The following ZNF462 variants were observed in gnomAD, a reference collection of about 807,000 sequenced individuals.
The protein encoded by ZNF462 is zinc finger protein 462, also known as zinc finger PBX1-interacting protein.
A neutral mutation model predicts 201.9 loss-of-function variants in ZNF462; 10 were observed. The ratio of observed to expected loss-of-function variants is 0.05; its 90% CI spans 0.03 to 0.08. ZNF462 has a LOEUF of 0.08. Ranked by LOEUF, ZNF462 falls within the 10% of genes least tolerant of loss-of-function variation. The pLI is 1.00. For synonymous variants in ZNF462, 1,227 were observed against 1,193.3 expected (o/e 1.03, Z -0.58); for missense variants, 2,523 against 3,168.3 (o/e 0.80, Z 4.89).
upstream of ZNF462, among the ~76,000 whole-genome samples, chr9:106,862,240 G>T (rs1408165511): frequency 1.3e-5 from 2 of 152,158 alleles, no homozygotes; most frequent in African/African-American, 4.8e-5. This position sits in a 1 kb window ranked among gnomAD's most constrained non-coding sequence, Gnocchi z 4.2. Flanking sequence ...GGTTGATCTG[G>T]GTTTATACTT....
At chr9:106,888,844 G>A (rs1828445089) in intron 1 of ZNF462, among the ~76,000 whole-genome samples, 1 of 152,214 alleles carries the variant, frequency 6.6e-6, no homozygotes, top group Non-Finnish European at 1.5e-5. Flanking sequence ...ACCATTTATA[G>A]AATCATCAAT....
intron 7 of ZNF462, among the ~76,000 whole-genome samples, chr9:106,956,776 C>A (rs1487766772): frequency 6.6e-6 from 1 of 152,180 alleles, no homozygotes; most frequent in Admixed American, 6.6e-5. Context: ...AAGACAGCTT[C>A]TTTTCTGAAA....
chr9:106,955,800 A>G (rs1831548183), intron 7 of ZNF462, among the ~76,000 whole-genome samples: 1 of 152,160 alleles, frequency 6.6e-6, no homozygotes, highest in Non-Finnish European at 1.5e-5. Flanking sequence ...TCAAGAAACC[A>G]CTTTCTTTGT....
At chr9:106,889,791 A>G (rs530507045) in intron 1 of ZNF462, among the ~76,000 whole-genome samples, 4 of 152,262 alleles carry the variant, frequency 2.6e-5, no homozygotes, top group Admixed American at 1.3e-4. Flanking sequence ...GGTCTAACAC[A>G]TTACCACCAC....
intron 7 of ZNF462, among the ~76,000 whole-genome samples, chr9:106,965,081 G>A (rs1170857844): frequency 1.3e-5 from 2 of 152,104 alleles, no homozygotes; most frequent in African/African-American, 4.8e-5. Context: ...GCAAAGCATA[G>A]AGGAAAGCAA....
chr9:106,899,762 T>G (rs1488527771), intron 1 of ZNF462, among the ~76,000 whole-genome samples: 3 of 152,194 alleles, frequency 2.0e-5, no homozygotes, highest in Non-Finnish European at 4.4e-5. Flanking sequence ...CAACAGCTCA[T>G]TCTCAGGTTT....
chr9:106,916,480 G>GT (rs1159620179), intron 1 of ZNF462, among the ~76,000 whole-genome samples: 1 of 152,176 alleles, frequency 6.6e-6, no homozygotes, highest in Non-Finnish European at 1.5e-5. Context: ...TGTGTGAAAA[G>GT]TGTCTGTAGA....
Position 107,003,275 on chromosome 9 carries a change from T to G in ZNF462, c.7057-19T>G. ...GGTCTGCGGTTTATTATTCCATCAT[T>G]TGTTTGGGCCTTTTTCAGGTAAGCC... is the stretch of plus-strand genomic sequence containing the variant. On this transcript the variant is annotated intron_variant, in intron 10 of 12. Transcript: ENST00000277225. This position sits in a 1 kb window ranked among gnomAD's most constrained non-coding sequence, Gnocchi z 4.4. 6.2e-7 allele frequency: 1 copy of G among 1,612,850 alleles called. No homozygotes were observed. The highest frequency in any genetic ancestry group is 8.5e-7 in the Non-Finnish European group (1 of 1,179,412).
intron 1 of ZNF462, among the ~76,000 whole-genome samples, chr9:106,869,505 A>G (rs1342406624): frequency 1.3e-5 from 2 of 152,252 alleles, no homozygotes; most frequent in Non-Finnish European, 2.9e-5. Context: ...AAGAAGAGTG[A>G]TGTTTGGAAG....
rs59555526 is a variant in ZNF462 at position 106,908,902 on chromosome 9, CATATATACATATAT to C, written c.-30-14444_-30-14431del. On this transcript the variant is annotated intron_variant, in intron 1 of 12. Transcript: ENST00000277225. ...GCTGTGAAAGTTGAGAATATTTGCC[CATATATACATATAT>C]ATATATATATATATATATATATATA... 9.2e-3 allele frequency among the ~76,000 whole-genome samples: 710 copies of C among 77,150 alleles called. 7 individuals are homozygous for C. The highest frequency in any genetic ancestry group is 0.013 in the Non-Finnish European group (586 of 44,704). 50.6% of individuals were successfully genotyped at this position (77,150 alleles called of 152,430 possible).
At chr9:106,875,942 C>T (rs1481597894) in intron 1 of ZNF462, among the ~76,000 whole-genome samples, 1 of 152,174 alleles carries the variant, frequency 6.6e-6, no homozygotes, top group Non-Finnish European at 1.5e-5. Context: ...ACACATGTAT[C>T]TCTATACATA....
In ZNF462 at chr9:106,895,027, T is replaced by C. The variant is rs1470747942; in HGVS notation, c.-30-28327T>C. On this transcript the variant is annotated intron_variant, in intron 1 of 12. Coordinates refer to ENST00000277225, the MANE Select transcript of ZNF462 (RefSeq NM_021224.6). This position sits in a 1 kb window ranked among gnomAD's most constrained non-coding sequence, Gnocchi z 4.4. ...TGGTCTAGGTAATTTCCTTGCTCTC[T>C]AGTTAAATAGGAAATTTATGGGAAT... is the stretch of plus-strand genomic sequence containing the variant. Among the ~76,000 whole-genome samples the C allele has an allele frequency of 2.6e-5, 4 of 152,196 alleles. No homozygotes were observed. Among genetic ancestry groups the C allele is most frequent in the Non-Finnish European group, 4.4e-5 (3 of 68,032 alleles).
chr9:106,866,963 A>G (rs1007963880), intron 1 of ZNF462, among the ~76,000 whole-genome samples: 1 of 152,182 alleles, frequency 6.6e-6, no homozygotes, highest in Non-Finnish European at 1.5e-5. Context: ...TGCTCATTTC[A>G]GCAGGGGGGA....
chr9:106,865,697 C>T lies in ZNF462; in HGVS notation c.-31+2342C>T, dbSNP rs913271137. ...TATCAGTATGTCTTCTTAACAATGT[C>T]GCTATGGAAACAAATTTTAAAAACA... On this transcript the variant is annotated intron_variant, in intron 1 of 12. Transcript: ENST00000277225. This position sits in a 1 kb window ranked among gnomAD's most constrained non-coding sequence, Gnocchi z 4.1. Among the ~76,000 whole-genome samples the T allele has an allele frequency of 9.5e-4, 145 of 152,182 alleles. 1 individual carries two copies. The highest frequency in any genetic ancestry group is 3.4e-3 in the African/African-American group (140 of 41,512).
At position 106,916,272 on chromosome 9, in the gene ZNF462, G is replaced by A. The variant is rs1048430763; in HGVS notation, c.-30-7082G>A. Among the ~76,000 whole-genome samples the A allele has an allele frequency of 2.6e-5, 4 of 152,154 alleles. No individual in the cohort carries two copies. The East Asian group carries it at 5.8e-4, about 22-fold the overall frequency. ...CACGAACACTTTGGGCCATGAAGACGCACCCAAGGCCCAAGGTCAGTCAGG... is the reference window on the plus strand; with the variant it reads ...CACGAACACTTTGGGCCATGAAGACACACCCAAGGCCCAAGGTCAGTCAGG... On this transcript the variant is annotated intron_variant, in intron 1 of 12. Coordinates refer to ENST00000277225, the MANE Select transcript of ZNF462 (RefSeq NM_021224.6).
downstream of ZNF462, chr9:107,013,634 GTC>G (rs1275819238): frequency 6.6e-6 from 1 of 151,762 alleles, no homozygotes; most frequent in Non-Finnish European, 1.5e-5. Flanking sequence ...TTTCACATGT[GTC>G]TATGTGCATC....
Position 106,932,473 on chromosome 9 carries a change from C to T in ZNF462, c.6040C>T (p.Leu2014=). The T allele has an allele frequency of 6.2e-7, 1 of 1,614,248 alleles. No homozygotes were observed. Among genetic ancestry groups the T allele is most frequent in the South Asian group, 1.1e-5 (1 of 91,082 alleles). Residue 2014 remains leucine (L), a synonymous_variant, in exon 5 of 13, where the codon CTG becomes TTG. Coordinates refer to ENST00000277225, the MANE Select transcript of ZNF462 (RefSeq NM_021224.6). This position sits in a 1 kb window ranked among gnomAD's most constrained non-coding sequence, Gnocchi z 6.8. ...KGLRSHERSH[L]ALAMFTREDK... Reference sequence around the variant, plus strand: ...GCTGCGTTCTCATGAGAGGAGCCACCTGGCCCTGGCCATGTTTACCCGCGA... The same window carrying T: ...GCTGCGTTCTCATGAGAGGAGCCACTTGGCCCTGGCCATGTTTACCCGCGA...
At position 106,899,268 on chromosome 9, in the gene ZNF462, A is replaced by C. The variant is rs959337006; in HGVS notation, c.-30-24086A>C. Reference sequence around the variant, plus strand: ...GGGGGGGGGGTGTGTGCATGCATGCATGTGTGTTTTCTCCCCTAGATGGGT... The same window carrying C: ...GGGGGGGGGGTGTGTGCATGCATGCCTGTGTGTTTTCTCCCCTAGATGGGT... On this transcript the variant is annotated intron_variant, in intron 1 of 12. Coordinates refer to ENST00000277225, the MANE Select transcript of ZNF462 (RefSeq NM_021224.6). 9.7e-4 allele frequency among the ~76,000 whole-genome samples: 136 copies of C among 139,874 alleles called. 2 individuals are homozygous for C. The highest frequency in any genetic ancestry group is 9.6e-3 in the Admixed American group (123 of 12,860). 91.8% of individuals were successfully genotyped at this position (139,874 alleles called of 152,430 possible). A position where few individuals can be genotyped will look rare whatever the true frequency, so the allele number is the denominator to read the frequency against.
Position 107,011,114 on chromosome 9 carries a change from C to G in ZNF462, c.*84C>G. 1.4e-6 allele frequency: 2 copies of G among 1,387,084 alleles called. No individual in the cohort carries two copies. The highest frequency in any genetic ancestry group is 2.0e-6 in the Non-Finnish European group (2 of 1,002,318). The allele number at this position is 1,387,084 out of a possible 1,614,324, so 85.9% of individuals were successfully genotyped here. Reference sequence around the variant, plus strand: ...CTGGCTTGGGCTGAGAAGGGAGGGACAGAAAAGAGAAGACAGAACAAAGCT... The same window carrying G: ...CTGGCTTGGGCTGAGAAGGGAGGGAGAGAAAAGAGAAGACAGAACAAAGCT... On this transcript the variant is annotated 3_prime_UTR_variant, in exon 13 of 13. Transcript: ENST00000277225. This position sits in a 1 kb window ranked among gnomAD's most constrained non-coding sequence, Gnocchi z 5.6.
Sources: allele counts gnomAD v4.1 joint callset (sites outside exome capture counted in the v4.1 genomes callset), GRCh38; gene constraint gnomAD v4.1.1; non-coding constraint Gnocchi (gnomAD v3.1); transcripts MANE v1.5; gene names NCBI Gene and HGNC (gene_info 2026-07-23, HGNC 2026-07-21).